Variants in PCDHGA4 observed in about 807,000 individuals in gnomAD.
PCDHGA4 encodes the protein protocadherin gamma-A4.
PCDHGA4 carries 38 observed loss-of-function variants against 54.6 expected under a neutral mutation model. The ratio of observed to expected loss-of-function variants is 0.70; its 90% CI spans 0.54 to 0.91. The LOEUF is 0.91. Ranked by LOEUF, PCDHGA4 falls within the 40% of genes least tolerant of loss-of-function variation. The pLI is 0.00. For synonymous variants in PCDHGA4, 511 were observed against 512.9 expected (o/e 1.00, Z 0.05); for missense variants, 1,298 against 1,220.9 (o/e 1.06, Z -0.94).
intron 1 of PCDHGA4, chr5:141,408,178 G>A (rs1425207794): frequency 1.3e-6 from 2 of 1,535,708 alleles, no homozygotes; most frequent in Non-Finnish European, 1.8e-6. Context: ...GAAAAGCGGG[G>A]ACCCAGCGAG....
chr5:141,461,258 A>G lies in PCDHGA4; in HGVS notation c.2515-33549A>G, dbSNP rs2099011921. Among the ~76,000 whole-genome samples, 4 of 152,104 alleles carry G rather than the reference A, an allele frequency of 2.6e-5. No individual in the cohort carries two copies. In the South Asian group the frequency reaches 8.3e-4, roughly 31 times the overall value. The stretch of plus-strand genomic sequence containing the variant: ...GTACTAATTTATATTCCCAGCAGCA[A>G]TGTGTAAGTGTTCTCTTTTCCCCAC... On this transcript the variant is annotated intron_variant, in intron 1 of 3. Transcript: ENST00000571252.
chr5:141,450,608 T>C (rs916441293), intron 1 of PCDHGA4, among the ~76,000 whole-genome samples: 5 of 151,776 alleles, frequency 3.3e-5, no homozygotes, highest in Admixed American at 2.6e-4. Flanking sequence ...TGCCTCAGCC[T>C]CCTGAGTAGC....
intron 1 of PCDHGA4, chr5:141,389,731 G>A: frequency 6.2e-7 from 1 of 1,612,688 alleles, no homozygotes; most frequent in Non-Finnish European, 8.5e-7. Flanking sequence ...GGGCTCTTCA[G>A]CCTGGGGCTG....
chr5:141,465,643 C>T (rs561758040), intron 1 of PCDHGA4, among the ~76,000 whole-genome samples: 2 of 152,306 alleles, frequency 1.3e-5, no homozygotes, highest in East Asian at 3.9e-4. Flanking sequence ...ATGCTTTGAA[C>T]ATCCCAAAAA....
intron 1 of PCDHGA4, chr5:141,415,746 T>TTG: frequency 3.0e-6 from 2 of 662,596 alleles, no homozygotes; most frequent in Non-Finnish European, 3.7e-6. Flanking sequence ...TAAGGTTTTT[T>TTG]TTTTTTTTTT....
chr5:141,372,619 C>A, intron 1 of PCDHGA4: 1 of 1,613,968 alleles, frequency 6.2e-7, no homozygotes, highest in South Asian at 1.1e-5. Context: ...GTTCTCCCCA[C>A]CTACAGCGAA....
chr5:141,360,897 C>T, intron 1 of PCDHGA4: 4 of 1,614,016 alleles, frequency 2.5e-6, no homozygotes, highest in African/African-American at 1.3e-5. Context: ...TGAGGGAGGA[C>T]GTGCCGCCGG....
intron 1 of PCDHGA4, among the ~76,000 whole-genome samples, chr5:141,455,419 G>A (rs1462099602): frequency 6.6e-6 from 1 of 152,124 alleles, no homozygotes; most frequent in Non-Finnish European, 1.5e-5. Context: ...AGGGAGCGGG[G>A]CTCCAAAAGA....
intron 1 of PCDHGA4, among the ~76,000 whole-genome samples, chr5:141,437,741 CT>C (rs35124340): frequency 3.0e-3 from 425 of 141,590 alleles, no homozygotes; most frequent in African/African-American, 3.7e-3. Context: ...TTGAGTTCAC[CT>C]TTTTTTTTTT....
chr5:141,389,314 C>T (rs2091698838), intron 1 of PCDHGA4: 2 of 1,613,880 alleles, frequency 1.2e-6, no homozygotes, highest in Non-Finnish European at 8.5e-7. Context: ...GCTTCTGATC[C>T]GGACTTGGGG....
Position 141,485,920 on chromosome 5 carries a change from T to C in PCDHGA4, c.2515-8887T>C, listed in dbSNP as rs1374948804. ...CCTTCCAGCAATCCAGCTACAGGAT[T>C]AGTGTGTTGGAGAGCGCACCAGCGG... On this transcript the variant is annotated intron_variant, in intron 1 of 3. Transcript: ENST00000571252. This position sits in a 1 kb window ranked among gnomAD's most constrained non-coding sequence, Gnocchi z 5.7. 1.2e-6 allele frequency: 2 copies of C among 1,614,038 alleles called. No individual in the cohort carries two copies. Among genetic ancestry groups the C allele is most frequent in the Non-Finnish European group, 1.7e-6 (2 of 1,180,010 alleles).
chr5:141,404,828 G>T, intron 1 of PCDHGA4: 1 of 1,609,938 alleles, frequency 6.2e-7, no homozygotes, highest in Non-Finnish European at 8.5e-7. Flanking sequence ...CACAGGTGAA[G>T]TGCGCACAGC....
At chr5:141,364,501 G>A in intron 1 of PCDHGA4, 1 of 1,614,044 alleles carries the variant, frequency 6.2e-7, no homozygotes, top group Non-Finnish European at 8.5e-7. Context: ...TGGAGCCCCA[G>A]GAGCTGGCGG....
intron 1 of PCDHGA4, among the ~76,000 whole-genome samples, chr5:141,373,744 G>C (rs10061034): frequency 0.027 from 4,169 of 152,204 alleles, 185 homozygotes; most frequent in African/African-American, 0.096. Flanking sequence ...TCATTATCTT[G>C]GGGAGGGAAA....
chr5:141,415,502 A>T, intron 1 of PCDHGA4: 1 of 1,614,204 alleles, frequency 6.2e-7, no homozygotes, highest in African/African-American at 1.3e-5. Flanking sequence ...ATCTTCCCCC[A>T]GCCCAATTAT....
At chr5:141,473,212 C>G (rs1311953997) in intron 1 of PCDHGA4, among the ~76,000 whole-genome samples, 1 of 152,012 alleles carries the variant, frequency 6.6e-6, no homozygotes, top group Non-Finnish European at 1.5e-5. Flanking sequence ...AAAATGCTTA[C>G]TTCCAGGGAG....
At chr5:141,412,100 C>G (rs1041242156) in intron 1 of PCDHGA4, 2 of 152,180 alleles carry the variant, frequency 1.3e-5, no homozygotes, top group Non-Finnish European at 2.9e-5. Context: ...TGGGCACACA[C>G]AGTTGAAGAT....
Position 141,485,187 on chromosome 5 carries a change from T to A in PCDHGA4, c.2515-9620T>A, listed in dbSNP as rs1325714839. ...CGGGCGGCAGCAATGCTCCGCAAGG[T>A]GAGAAGCTGGACAGAAATCTGGCGG... On this transcript the variant is annotated intron_variant, in intron 1 of 3. Transcript: ENST00000571252. This position sits in a 1 kb window ranked among gnomAD's most constrained non-coding sequence, Gnocchi z 5.7. 1 of 1,613,502 alleles carries A rather than the reference T, an allele frequency of 6.2e-7. No individual in the cohort carries two copies. The highest frequency in any genetic ancestry group is 1.7e-5 in the Admixed American group (1 of 60,018).
Position 141,487,870 on chromosome 5 carries a change from C to A in PCDHGA4, c.2515-6937C>A. On this transcript the variant is annotated intron_variant, in intron 1 of 3. Transcript: ENST00000571252. This position sits in a 1 kb window ranked among gnomAD's most constrained non-coding sequence, Gnocchi z 5.0. ...AATGAAAGTAATTGGTGATCAAGAGCCAGGCTGTTGTGGAAGCATGATGAT... is the reference window on the plus strand; with the variant it reads ...AATGAAAGTAATTGGTGATCAAGAGACAGGCTGTTGTGGAAGCATGATGAT... 3.5e-6 allele frequency: 3 copies of A among 865,052 alleles called. No individual in the cohort carries two copies. The highest frequency in any genetic ancestry group is 5.3e-6 in the Non-Finnish European group (3 of 568,628). The allele number at this position is 865,052 out of a possible 1,614,324, so 53.6% of individuals were successfully genotyped here.
Sources: allele counts gnomAD v4.1 joint callset (sites outside exome capture counted in the v4.1 genomes callset), GRCh38; gene constraint gnomAD v4.1.1; non-coding constraint Gnocchi (gnomAD v3.1); transcripts MANE v1.5; gene names NCBI Gene and HGNC (gene_info 2026-07-23, HGNC 2026-07-21).